PON1: variants seen among roughly 807,000 people sequenced by gnomAD.
PON1 encodes paraoxonase 1.
In PON1, 37 loss-of-function variants were observed where a neutral mutation model predicts 39.2. The observed-to-expected ratio is 0.94, with a 90% CI of 0.73 to 1.24. The LOEUF (loss-of-function observed/expected upper bound fraction) is 1.24, where lower values mean the gene tolerates loss of function less well. PON1 is among the 50% of genes most tolerant of loss of function. The pLI is 0.00. For synonymous variants in PON1, 148 were observed against 152.2 expected, an observed-to-expected ratio of 0.97 and a Z score of 0.21; for missense variants, 397 against 413.5, an observed-to-expected ratio of 0.96 and a Z score of 0.35.
At chr7:95,318,423 C>T in intron 1 of PON1, 30 bp from the exon 2 acceptor site, 1 of 1,542,942 alleles carries the variant, frequency 6.5e-7, no homozygotes, top group African/African-American at 1.4e-5. Flanking sequence ...AAAACACACA[C>T]AAAACTATTC....
At position 95,306,593 on chromosome 7, in the gene PON1, A is replaced by G. The variant is rs3917548; in HGVS notation, c.699-227T>C. 0.097 allele frequency among the ~76,000 whole-genome samples: 14,733 copies of G among 152,212 alleles called. 983 individuals carry two copies. The highest frequency in any genetic ancestry group is 0.17 in the African/African-American group (7,136 of 41,518). ...AGGAGGGGACATAGTTGTCCTTATC[A>G]GTATGGGAGGAACTTAGCCCTAACA... On this transcript the variant is annotated intron_variant, in intron 6 of 8. Transcript: ENST00000222381.
intron 1 of PON1, chr7:95,318,600 T>C: frequency 1.9e-6 from 1 of 534,164 alleles, no homozygotes; most frequent in Non-Finnish European, 3.4e-6. Context: ...TTAGCAGAGG[T>C]GGATAGGTAC....
rs141948033 is a variant in PON1 at position 95,324,421 on chromosome 7, T to C, written c.55A>G (p.Asn19Asp). Residue 19 changes from asparagine (N) to aspartate (D), a missense_variant, in exon 1 of 9, where the codon AAC becomes GAC. Asn to Asp is a conservative substitution (Grantham distance 23, BLOSUM62 1). Transcript: ENST00000222381. ...ACTTACTGGTAAGAAGACTGGTGGT[T>C]CCTGAAGAGTGCCAGTCCCATCCCC... Reference protein sequence around the residue: ...LLGMGLALFRNHQSSYQTRLN... With the variant: ...LLGMGLALFRDHQSSYQTRLN... The C allele has an allele frequency of 1.6e-3, 2,503 of 1,614,146 alleles. 4 individuals carry two copies. The highest frequency in any genetic ancestry group is 2.3e-3 in the Admixed American group (139 of 60,026).
intron 7 of PON1, among the ~76,000 whole-genome samples, chr7:95,304,372 GC>G (rs1230410625): frequency 9.4e-6 from 1 of 106,286 alleles, no homozygotes; most frequent in East Asian, 3.0e-4. Flanking sequence ...TGCTCTTGTT[GC>G]CCAGACTGGA....
intron 6 of PON1, among the ~76,000 whole-genome samples, chr7:95,306,945 C>G (rs1158252236): frequency 6.6e-6 from 1 of 152,048 alleles, no homozygotes; most frequent in South Asian, 2.1e-4. Flanking sequence ...AATTACTGCT[C>G]AATTATCTTC....
At chr7:95,302,495 C>T in intron 7 of PON1, 162 bp from the exon 8 acceptor site, 1 of 648,294 alleles carries the variant, frequency 1.5e-6, no homozygotes, top group Admixed American at 2.6e-5. Flanking sequence ...CAAAATTTCT[C>T]TGACCTTTCA....
At chr7:95,311,689 G>A in intron 4 of PON1, 112 bp from the exon 5 acceptor site, 1 of 1,137,884 alleles carries the variant, frequency 8.8e-7, no homozygotes, top group Non-Finnish European at 1.3e-6. Context: ...ATGTCAGGCA[G>A]ATGGAATATT....
In PON1 at chr7:95,315,476, A is replaced by ATAAAG. The variant is rs769673940; in HGVS notation, c.215_216insCTTTA (p.Gly73PhefsTer4). The ATAAAG allele has an allele frequency of 3.3e-5, 54 of 1,613,974 alleles. No homozygotes were observed. Among genetic ancestry groups the ATAAAG allele is most frequent in the Non-Finnish European group, 4.4e-5 (52 of 1,179,934 alleles). The stretch of plus-strand genomic sequence containing the variant: ...TGTTGGGGTTGAAGCTCTTTATTCC[A>ATAAAG]GGATACTTTAATCCCTTATAAACCA... On this transcript the variant is annotated frameshift_variant, in exon 4 of 9. Coordinates refer to ENST00000222381, the MANE Select transcript of PON1 (RefSeq NM_000446.7). LOFTEE classifies it high-confidence loss of function.
intron 5 of PON1, among the ~76,000 whole-genome samples, chr7:95,310,000 A>T (rs923747191): frequency 2.0e-5 from 3 of 152,198 alleles, no homozygotes; most frequent in African/African-American, 7.2e-5. Context: ...TCAAGAAAAA[A>T]ATACTCCAAT....
At chr7:95,310,063 AT>A (rs564901275) in intron 5 of PON1, among the ~76,000 whole-genome samples, 3 of 152,262 alleles carry the variant, frequency 2.0e-5, no homozygotes, top group Admixed American at 6.5e-5. Context: ...AAAACACATA[AT>A]TTTTTTCACT....
intron 7 of PON1, 115 bp downstream of exon 7, chr7:95,306,170 A>T (rs1261255319): frequency 2.3e-6 from 2 of 863,802 alleles, no homozygotes; most frequent in Non-Finnish European, 3.9e-6. Flanking sequence ...AAAGGAGTGA[A>T]AAATTGGTTC....
intron 7 of PON1, among the ~76,000 whole-genome samples, chr7:95,304,961 T>C (rs148958433): frequency 7.7e-4 from 117 of 152,320 alleles, no homozygotes; most frequent in African/African-American, 2.7e-3. Context: ...CATAAAATTC[T>C]TTAACTTTTG....
At chr7:95,318,470 A>G (rs1807823072) in intron 1 of PON1, 77 bp from the exon 2 acceptor site, 1 of 1,340,062 alleles carries the variant, frequency 7.5e-7, no homozygotes. Context: ...GGCAGTCCAC[A>G]AAAGTTCTCC....
At chr7:95,312,255 G>A (rs1305284790) in intron 4 of PON1, among the ~76,000 whole-genome samples, 3 of 152,124 alleles carry the variant, frequency 2.0e-5, no homozygotes, top group African/African-American at 7.2e-5. Context: ...GTGCAATGGC[G>A]CCATCTCGGC....
intron 2 of PON1, among the ~76,000 whole-genome samples, chr7:95,317,480 C>T (rs1233011983): frequency 1.4e-5 from 2 of 147,764 alleles, no homozygotes; most frequent in Non-Finnish European, 3.0e-5. Context: ...AAAACAATCG[C>T]ACCATAAGAT....
chr7:95,312,138 T>G (rs2116315116), intron 4 of PON1, among the ~76,000 whole-genome samples: 2 of 152,348 alleles, frequency 1.3e-5, no homozygotes, highest in Middle Eastern at 6.8e-3. Flanking sequence ...GTCTTTGCCT[T>G]AAGAAAGAGT....
chr7:95,304,000 A>G (rs1211017634), intron 7 of PON1, among the ~76,000 whole-genome samples: 1 of 152,198 alleles, frequency 6.6e-6, no homozygotes, highest in East Asian at 1.9e-4. Context: ...AAAATTTGAC[A>G]TTTTAACCAT....
intron 1 of PON1, among the ~76,000 whole-genome samples, chr7:95,321,849 C>T (rs1807906188): frequency 6.6e-6 from 1 of 152,192 alleles, no homozygotes; most frequent in Non-Finnish European, 1.5e-5. Flanking sequence ...TTAGTTTACC[C>T]TCAGGAACCT....
chr7:95,315,943 A>G (rs941413256), intron 3 of PON1, among the ~76,000 whole-genome samples: 1 of 152,230 alleles, frequency 6.6e-6, no homozygotes, highest in African/African-American at 2.4e-5. Context: ...TTAGCCTTCA[A>G]TCAAAACAAT....
Sources: allele counts gnomAD v4.1 joint callset (sites outside exome capture counted in the v4.1 genomes callset), GRCh38; gene constraint gnomAD v4.1.1; transcripts MANE v1.5; gene names NCBI Gene and HGNC (gene_info 2026-07-23, HGNC 2026-07-21).